SMYD3: variants seen among roughly 807,000 people sequenced by gnomAD.
SMYD3 encodes SET and MYND domain containing 3.
A neutral mutation model predicts 57.7 loss-of-function variants in SMYD3; 36 were observed. The ratio of observed to expected loss-of-function variants is 0.62; its 90% confidence interval spans 0.48 to 0.82. The LOEUF is 0.82. SMYD3 is among the 40% of genes least tolerant of loss of function. The pLI is 0.00. For missense variants in SMYD3, 515 were observed against 538.8 expected, an observed-to-expected ratio of 0.96 and a Z score of 0.44; for synonymous variants, 211 against 195.0, an observed-to-expected ratio of 1.08 and a Z score of -0.68.
At chr1:245,905,065 C>A (rs757887388) in intron 8 of SMYD3, among the ~76,000 whole-genome samples, 5 of 151,896 alleles carry the variant, frequency 3.3e-5, no homozygotes, top group Non-Finnish European at 5.9e-5. Flanking sequence ...AACTGAAGAA[C>A]CCTTGGGCCC....
rs567538454 is a variant in SMYD3 at position 245,803,534 on chromosome 1, T to C, written c.1077-39385A>G. On this transcript the variant is annotated intron_variant, in intron 10 of 11. Coordinates refer to ENST00000490107, the MANE Select transcript of SMYD3 (RefSeq NM_001167740.2). ...TGGGGAAAGTGGTATTCTACAGGTTTTTCTCTGAGTGCAATGATGGTGGGA... is the reference window on the plus strand; with the variant it reads ...TGGGGAAAGTGGTATTCTACAGGTTCTTCTCTGAGTGCAATGATGGTGGGA... 4.0e-4 allele frequency among the ~76,000 whole-genome samples: 61 copies of C among 152,300 alleles called. 1 individual carries two copies. The South Asian group carries it at 0.011, about 26-fold the overall frequency.
Position 246,327,253 on chromosome 1 carries a change from T to C in SMYD3, c.479A>G (p.Gln160Arg). 6.2e-7 allele frequency: 1 copy of C among 1,614,156 alleles called. No homozygotes were observed. The highest frequency in any genetic ancestry group is 8.5e-7 in the Non-Finnish European group (1 of 1,180,000). The change falls in exon 5 of 12, where the codon CAG becomes CGG. Residue 160 changes from glutamine (Q) to arginine (R), a missense_variant. Transcript: ENST00000490107. Reference protein sequence around the residue: ...TFQHFMREEIQDASQLPPAFD... With the variant: ...TFQHFMREEIRDASQLPPAFD... Reference sequence around the variant, plus strand: ...GGCAGGTGGCAGCTGAGAGGCATCCTGTATTTCTTCTCTCATGAAATGTTG... The same window carrying C: ...GGCAGGTGGCAGCTGAGAGGCATCCCGTATTTCTTCTCTCATGAAATGTTG...
intron 5 of SMYD3, among the ~76,000 whole-genome samples, chr1:246,319,343 C>T (rs2065211265): frequency 6.6e-6 from 1 of 152,150 alleles, no homozygotes; most frequent in African/African-American, 2.4e-5. Flanking sequence ...CACACAAGCA[C>T]CCCGGTGACT....
At chr1:245,904,128 C>A (rs1251366936) in intron 8 of SMYD3, among the ~76,000 whole-genome samples, 2 of 152,088 alleles carry the variant, frequency 1.3e-5, no homozygotes, top group Non-Finnish European at 2.9e-5. Context: ...GAATTGTAAT[C>A]CCCATAATTC....
chr1:246,263,024 C>A lies in SMYD3; in HGVS notation c.531+64177G>T, dbSNP rs550795044. The stretch of plus-strand genomic sequence containing the variant: ...ACATTCTTTAATTGTCTCAAGAATG[C>A]GTGATTTGAATACCTAATTCTATTA... On this transcript the variant is annotated intron_variant, in intron 5 of 11. Transcript: ENST00000490107. Among the ~76,000 whole-genome samples the A allele has an allele frequency of 5.0e-4, 76 of 152,166 alleles. No homozygotes were observed. The South Asian group carries it at 0.014, about 27-fold the overall frequency.
intron 5 of SMYD3, among the ~76,000 whole-genome samples, chr1:246,242,345 T>G (rs889221664): frequency 6.6e-6 from 1 of 152,210 alleles, no homozygotes; most frequent in South Asian, 2.1e-4. Context: ...CATTTCGTTA[T>G]GTACCCAGTA....
intron 5 of SMYD3, among the ~76,000 whole-genome samples, chr1:246,279,906 GA>G (rs1388600820): frequency 6.6e-6 from 1 of 152,140 alleles, no homozygotes; most frequent in Non-Finnish European, 1.5e-5. Context: ...ATCTTGGGGG[GA>G]AAGTGTACTA....
At chr1:245,834,240 A>T (rs1042894783) in intron 10 of SMYD3, among the ~76,000 whole-genome samples, 1 of 151,306 alleles carries the variant, frequency 6.6e-6, no homozygotes, top group Non-Finnish European at 1.5e-5. Flanking sequence ...GATGCATTTA[A>T]ATGCATTTCT....
At chr1:245,871,916 C>T (rs1011191028) in intron 8 of SMYD3, among the ~76,000 whole-genome samples, 7 of 152,180 alleles carry the variant, frequency 4.6e-5, no homozygotes, top group African/African-American at 1.4e-4. Context: ...GGAGGGAGCA[C>T]ATTACAATGT....
At chr1:246,098,823 C>T (rs945816765) in intron 5 of SMYD3, among the ~76,000 whole-genome samples, 1 of 152,024 alleles carries the variant, frequency 6.6e-6, no homozygotes. Context: ...CATGTATATA[C>T]ACTCACACAC....
intron 5 of SMYD3, among the ~76,000 whole-genome samples, chr1:246,195,926 G>A (rs2062824974): frequency 6.6e-6 from 1 of 152,130 alleles, no homozygotes. Flanking sequence ...ATAATAGGCT[G>A]CCTTTCACCT....
intron 5 of SMYD3, among the ~76,000 whole-genome samples, chr1:246,037,654 T>C (rs1192404216): frequency 3.3e-5 from 5 of 152,208 alleles, no homozygotes; most frequent in African/African-American, 1.2e-4. Context: ...GCTTCCCACA[T>C]TTGCAGGTCT....
intron 1 of SMYD3, among the ~76,000 whole-genome samples, chr1:246,489,653 T>C (rs1214930517): frequency 3.3e-5 from 5 of 152,184 alleles, no homozygotes; most frequent in African/African-American, 1.2e-4. Context: ...AAAGCTTCAA[T>C]ATCTTGTGTC....
intron 5 of SMYD3, among the ~76,000 whole-genome samples, chr1:246,221,766 CCTGACTCCAGACTCCCTTTGAAGCA>C (rs1291004501): frequency 1.3e-5 from 2 of 152,302 alleles, no homozygotes; most frequent in Middle Eastern, 3.4e-3. Flanking sequence ...CCACTCCATG[CCTGACTCCAGACTCCCTTTGAAGCA>C]CGGGATCCAG....
At chr1:246,411,840 G>GGGA (rs1553343522) in intron 1 of SMYD3, among the ~76,000 whole-genome samples, 1 of 120,536 alleles carries the variant, frequency 8.3e-6, no homozygotes, top group South Asian at 3.4e-4. Flanking sequence ...TTGGGGGAGG[G>GGGA]GGGAGGGATA....
At chr1:246,429,655 G>A (rs769724798) in intron 1 of SMYD3, among the ~76,000 whole-genome samples, 12 of 152,292 alleles carry the variant, frequency 7.9e-5, no homozygotes, top group East Asian at 3.9e-4. Flanking sequence ...TAAAAGAGTC[G>A]TCAGAGGCCT....
chr1:246,257,289 T>A (rs116062792), intron 5 of SMYD3, among the ~76,000 whole-genome samples: 1 of 152,194 alleles, frequency 6.6e-6, no homozygotes, highest in Non-Finnish European at 1.5e-5. Flanking sequence ...TGTGGTTGTC[T>A]AAGTCTTTTC....
At chr1:246,194,590 A>T (rs755935578) in intron 5 of SMYD3, among the ~76,000 whole-genome samples, 3 of 152,328 alleles carry the variant, frequency 2.0e-5, no homozygotes, top group African/African-American at 7.2e-5. Flanking sequence ...TTTCACAGAC[A>T]TTATCTCACG....
chr1:245,892,262 A>C (rs967800538), intron 8 of SMYD3, among the ~76,000 whole-genome samples: 8 of 152,212 alleles, frequency 5.3e-5, no homozygotes, highest in African/African-American at 1.9e-4. Context: ...GGAACCTCCC[A>C]AATAGACTAT....
Sources: allele counts gnomAD v4.1 joint callset (sites outside exome capture counted in the v4.1 genomes callset), GRCh38; gene constraint gnomAD v4.1.1; transcripts MANE v1.5; gene names NCBI Gene and HGNC (gene_info 2026-07-23, HGNC 2026-07-21).